Variants in WWOX observed in about 807,000 individuals in gnomAD.
The protein encoded by WWOX is WW domain-containing oxidoreductase.
A neutral mutation model predicts 46.2 loss-of-function variants in WWOX; 69 were observed. The ratio of observed to expected loss-of-function variants is 1.49; its 90% CI spans 1.23 to 1.82. WWOX has a LOEUF of 1.82. WWOX is among the 40% of genes most tolerant of loss of function. The pLI is 0.00. For synonymous variants in WWOX, 359 were observed against 202.6 expected (o/e 1.77, Z -6.56); for missense variants, 919 against 542.6 (o/e 1.69, Z -6.89).
At chr16:78,572,502 C>G (rs965076176) in intron 8 of WWOX, among the ~76,000 whole-genome samples, 3 of 146,052 alleles carry the variant, frequency 2.1e-5, no homozygotes, top group Non-Finnish European at 3.0e-5. Context: ...ACTTGGGAGA[C>G]TGAGGAGGGA....
At chr16:78,507,007 C>A (rs541151211) in intron 8 of WWOX, among the ~76,000 whole-genome samples, 1 of 152,168 alleles carries the variant, frequency 6.6e-6, no homozygotes, top group Non-Finnish European at 1.5e-5. Flanking sequence ...AGCCACCGTG[C>A]ACGACCTCAG....
At chr16:78,655,222 C>T (rs541228361) in intron 8 of WWOX, among the ~76,000 whole-genome samples, 1 of 152,144 alleles carries the variant, frequency 6.6e-6, no homozygotes, top group Non-Finnish European at 1.5e-5. Flanking sequence ...ATAGTCTGCT[C>T]TCCGTCTCTG....
intron 8 of WWOX, among the ~76,000 whole-genome samples, chr16:78,920,996 C>T (rs1187185726): frequency 6.6e-6 from 1 of 152,168 alleles, no homozygotes; most frequent in Admixed American, 6.6e-5. Flanking sequence ...AACCAGCTCC[C>T]ACACTGGCTG....
chr16:78,488,714 T>C (rs1295649371), intron 8 of WWOX, among the ~76,000 whole-genome samples: 1 of 152,158 alleles, frequency 6.6e-6, no homozygotes, highest in Non-Finnish European at 1.5e-5. Context: ...TGGAATTTTC[T>C]TTATGGGCCA....
chr16:78,158,469 C>T (rs935277116), intron 4 of WWOX, among the ~76,000 whole-genome samples: 4 of 150,950 alleles, frequency 2.6e-5, no homozygotes, highest in African/African-American at 9.7e-5. Context: ...TTCCTCCCTC[C>T]CTCCCCTCCC....
intron 8 of WWOX, among the ~76,000 whole-genome samples, chr16:78,734,285 AT>A (rs1009757455): frequency 3.3e-5 from 5 of 152,058 alleles, no homozygotes; most frequent in Non-Finnish European, 7.4e-5. Context: ...AAAAGGGAGT[AT>A]TTTTCCCCCA....
intron 8 of WWOX, among the ~76,000 whole-genome samples, chr16:78,840,871 G>C (rs1040473204): frequency 6.6e-6 from 1 of 151,974 alleles, no homozygotes; most frequent in Non-Finnish European, 1.5e-5. Context: ...TGCCTTGTTG[G>C]TCCAGGTAAC....
intron 8 of WWOX, among the ~76,000 whole-genome samples, chr16:78,716,860 G>T (rs143049915): frequency 6.6e-6 from 1 of 152,254 alleles, no homozygotes; most frequent in African/African-American, 2.4e-5. Context: ...TGCAGCTTCA[G>T]CCAGGTTTGC....
At chr16:78,840,793 G>A (rs2052119680) in intron 8 of WWOX, among the ~76,000 whole-genome samples, 2 of 150,922 alleles carry the variant, frequency 1.3e-5, no homozygotes, top group African/African-American at 2.4e-5. Flanking sequence ...AAAAATTGTG[G>A]GCACTTAGTA....
In WWOX at chr16:78,820,678, A is replaced by G. The variant is rs72801068; in HGVS notation, c.1056+387926A>G. 2.0e-4 allele frequency among the ~76,000 whole-genome samples: 30 copies of G among 152,256 alleles called. 1 individual carries two copies. The highest frequency in any genetic ancestry group is 4.1e-4 in the Non-Finnish European group (28 of 68,020). ...TTTTAATACCAACCATGCCACGTGTATGTGTTTCCTGGGCCTGCCATAACA... is the reference window on the plus strand; with the variant it reads ...TTTTAATACCAACCATGCCACGTGTGTGTGTTTCCTGGGCCTGCCATAACA... On this transcript the variant is annotated intron_variant, in intron 8 of 8. Coordinates refer to ENST00000566780, the MANE Select transcript of WWOX (RefSeq NM_016373.4).
intron 4 of WWOX, among the ~76,000 whole-genome samples, chr16:78,125,279 G>C (rs376076919): frequency 3.3e-5 from 5 of 152,146 alleles, no homozygotes; most frequent in African/African-American, 1.2e-4. Flanking sequence ...AGATCATACA[G>C]GTCTTGGGCG....
chr16:78,734,989 C>A (rs1025403183), intron 8 of WWOX, among the ~76,000 whole-genome samples: 2 of 150,778 alleles, frequency 1.3e-5, no homozygotes, highest in Non-Finnish European at 2.9e-5. Flanking sequence ...CCTCAGCCTT[C>A]CCGAGTAGCT....
chr16:78,380,709 G>C (rs28618372), intron 5 of WWOX, among the ~76,000 whole-genome samples: 11,650 of 152,160 alleles, frequency 0.077, 492 homozygotes, highest in East Asian at 0.12. Context: ...TACATTGCCT[G>C]ACTTCCCGAT....
chr16:78,407,978 G>C (rs1471608600), intron 6 of WWOX, among the ~76,000 whole-genome samples: 4 of 152,188 alleles, frequency 2.6e-5, no homozygotes, highest in Admixed American at 1.3e-4. Context: ...TGGAAGCCAA[G>C]TCCCCTGTCC....
chr16:78,836,850 C>T (rs1012066840), intron 8 of WWOX, among the ~76,000 whole-genome samples: 1 of 152,104 alleles, frequency 6.6e-6, no homozygotes, highest in Non-Finnish European at 1.5e-5. Flanking sequence ...GAAACAGAAT[C>T]TCTTAGCATA....
intron 8 of WWOX, among the ~76,000 whole-genome samples, chr16:78,548,204 A>G (rs1453193250): frequency 4.6e-5 from 7 of 150,904 alleles, no homozygotes; most frequent in Non-Finnish European, 1.0e-4. Flanking sequence ...GGACGCAAAC[A>G]TTTAATCCGT....
At chr16:78,324,362 G>C (rs751678407) in intron 5 of WWOX, among the ~76,000 whole-genome samples, 129 of 152,212 alleles carry the variant, frequency 8.5e-4, no homozygotes, top group Non-Finnish European at 2.9e-4. Flanking sequence ...AAATGGTACA[G>C]CTAACTTGGA....
chr16:79,103,260 G>C (rs931155787), intron 8 of WWOX, among the ~76,000 whole-genome samples: 1 of 152,202 alleles, frequency 6.6e-6, no homozygotes, highest in African/African-American at 2.4e-5. Flanking sequence ...GTTTTCTGAA[G>C]AGGCATCTAT....
chr16:78,219,924 TG>T lies in WWOX; in HGVS notation c.516+55638del, dbSNP rs549558052. On this transcript the variant is annotated intron_variant, in intron 5 of 8. Transcript: ENST00000566780. ...CTTACCAAACATTGTACGTTTTAAA[TG>T]GGCAAAATGTATTTGAACTATATAT... Among the ~76,000 whole-genome samples the T allele has an allele frequency of 4.6e-5, 7 of 152,348 alleles. No individual in the cohort carries two copies. In the East Asian group the frequency reaches 1.4e-3, roughly 29 times the overall value.
Sources: gnomAD v4.1 joint callset for allele counts (sites outside exome capture counted in the v4.1 genomes callset) on GRCh38, gnomAD v4.1.1 for gene constraint, MANE v1.5 for transcripts, NCBI Gene and HGNC (gene_info 2026-07-23, HGNC 2026-07-21) for gene names.